Variants in RXFP2 observed in about 807,000 individuals in gnomAD.
RXFP2 encodes the protein relaxin family peptide receptor 2, also known as relaxin receptor 2.
Under a neutral mutation model 88.6 loss-of-function variants are expected in RXFP2, and 68 were observed. The observed-to-expected ratio is 0.77, with a 90% CI of 0.63 to 0.94. The LOEUF is 0.94. Among genes scored for constraint, RXFP2 ranks in the 40% least tolerant of loss-of-function variants. The probability of loss-of-function intolerance (pLI) is 0.00; values close to 1 mark genes in which losing one functional copy is unlikely to be tolerated. For synonymous variants in RXFP2, 329 were observed against 306.8 expected, an observed-to-expected ratio of 1.07 and a Z score of -0.76; for missense variants, 791 against 893.9, an observed-to-expected ratio of 0.88 and a Z score of 1.47.
intron 17 of RXFP2, among the ~76,000 whole-genome samples, chr13:31,797,733 C>T (rs1874126575): frequency 6.6e-6 from 1 of 152,156 alleles, no homozygotes; most frequent in Non-Finnish European, 1.5e-5. Flanking sequence ...CCACCCGGGA[C>T]TGTTTTGTCT....
intron 3 of RXFP2, 74 bp downstream of exon 3, chr13:31,761,875 T>A: frequency 1.0e-6 from 1 of 994,510 alleles, no homozygotes; most frequent in Admixed American, 1.8e-5. Flanking sequence ...TTTATATGGG[T>A]AATGTGACAA....
chr13:31,754,822 A>G (rs1163005375), intron 1 of RXFP2, among the ~76,000 whole-genome samples: 1 of 152,230 alleles, frequency 6.6e-6, no homozygotes, highest in Non-Finnish European at 1.5e-5. Flanking sequence ...GGAATAACAT[A>G]AAGAAGTAGG....
intron 16 of RXFP2, 83 bp downstream of exon 16, chr13:31,793,171 T>C (rs927574123): frequency 2.9e-5 from 37 of 1,270,774 alleles, no homozygotes; most frequent in Non-Finnish European, 3.6e-5. Context: ...ATTTGTTTGT[T>C]TCAGAAAGTG....
rs142648032 is a variant in RXFP2, at chr13:31,760,338, G to A, written c.242-1386G>A. 3.9e-4 allele frequency among the ~76,000 whole-genome samples: 60 copies of A among 152,246 alleles called. 1 individual carries two copies. The East Asian group carries it at 0.01, about 26-fold the overall frequency. On this transcript the variant is annotated intron_variant, in intron 2 of 17. Transcript: ENST00000298386. ...ACTCCTGACCTTAGGTGATCCGCCC[G>A]CCTCGGCCTCCCAAAGTGCTGGGAT...
intron 17 of RXFP2, among the ~76,000 whole-genome samples, chr13:31,801,602 T>C (rs1194650669): frequency 6.6e-6 from 1 of 152,188 alleles, no homozygotes; most frequent in Non-Finnish European, 1.5e-5. Context: ...TATTAGCATT[T>C]GTAGGGCTGC....
chr13:31,791,832 C>T lies in RXFP2; in HGVS notation c.1172C>T (p.Ser391Phe). The T allele has an allele frequency of 1.9e-6, 3 of 1,614,068 alleles. No individual in the cohort carries two copies. The highest frequency in any genetic ancestry group is 1.7e-6 in the Non-Finnish European group (2 of 1,179,992). ...TATTTCAAAAACTTTCGATACTGCT[C>T]CTATGCTCCCCATGTCCGAATATGT... ...HIYFKNFRYC[S>F]YAPHVRICMP... The change falls in exon 15 of 18, where the codon TCC becomes TTC. Residue 391 changes from serine (S) to phenylalanine (F), a missense_variant. Physicochemically the swap from Ser to Phe is radical, Grantham distance 155 (BLOSUM62 -2). Coordinates refer to ENST00000298386, the MANE Select transcript of RXFP2 (RefSeq NM_130806.5).
At chr13:31,793,404 C>T in intron 16 of RXFP2, among the ~76,000 whole-genome samples, 1 of 150,592 alleles carries the variant, frequency 6.6e-6, no homozygotes, top group East Asian at 1.9e-4. Flanking sequence ...GTGCCTCATC[C>T]TGTAAACCTA....
intron 5 of RXFP2, among the ~76,000 whole-genome samples, chr13:31,773,647 A>C (rs1271245505): frequency 6.6e-6 from 1 of 151,906 alleles, no homozygotes; most frequent in East Asian, 1.9e-4. Flanking sequence ...CCATCCTGGC[A>C]CTCTTATAAG....
intron 5 of RXFP2, among the ~76,000 whole-genome samples, chr13:31,774,256 G>A (rs562602358): frequency 6.6e-6 from 1 of 152,346 alleles, no homozygotes; most frequent in East Asian, 1.9e-4. Context: ...TGCACAAAGA[G>A]GAAGAAAGTT....
At position 31,802,693 on chromosome 13, in the gene RXFP2, C is replaced by G; in HGVS notation, c.*288C>G. ...GCTGATCTCTAGCTAATCAACACAA[C>G]CCACCAACAAATGACCACAGGTTGG... On this transcript the variant is annotated 3_prime_UTR_variant, in exon 18 of 18. Transcript: ENST00000298386. 2.3e-6 allele frequency: 1 copy of G among 426,784 alleles called. No individual in the cohort carries two copies. Among genetic ancestry groups the G allele is most frequent in the South Asian group, 2.2e-5 (1 of 44,962 alleles). The allele number at this position is 426,784 out of a possible 1,614,324, so 26.4% of individuals were successfully genotyped here.
intron 5 of RXFP2, among the ~76,000 whole-genome samples, chr13:31,769,782 AG>A (rs775880906): frequency 2.6e-5 from 4 of 152,200 alleles, no homozygotes; most frequent in Admixed American, 2.0e-4. Context: ...AGCATTTGAG[AG>A]TTAGTCATGG....
rs540792768 is a variant in RXFP2 at position 31,797,849 on chromosome 13, A to G, written c.2005+430A>G. On this transcript the variant is annotated intron_variant, in intron 17 of 17. Coordinates refer to ENST00000298386, the MANE Select transcript of RXFP2 (RefSeq NM_130806.5). ...CATTCTATTCCATGGTCCTAGCCAT[A>G]AAATGTCATGCTGGGCTCTGCGGAG... Among the ~76,000 whole-genome samples, 445 of 152,298 alleles carry G rather than the reference A, an allele frequency of 2.9e-3. 2 individuals are homozygous for G. Among genetic ancestry groups the G allele is most frequent in the African/African-American group, 0.01 (429 of 41,556 alleles).
At position 31,758,299 on chromosome 13, in the gene RXFP2, C is replaced by A. The variant is rs763202710; in HGVS notation, c.136C>A (p.Gln46Lys). The A allele has an allele frequency of 1.2e-6, 2 of 1,613,912 alleles. No homozygotes were observed. Among genetic ancestry groups the A allele is most frequent in the Non-Finnish European group, 1.7e-6 (2 of 1,179,886 alleles). ...TQGSMITPSC[Q>K]KGYFPCGNLT... ...AGGTAGCATGATCACTCCTTCATGC[C>A]AAAAAGGATATTTTCCCTGTGGGAA... is the stretch of plus-strand genomic sequence containing the variant. Residue 46 changes from glutamine to lysine, a missense_variant, in exon 2 of 18, where the codon CAA (glutamine) becomes AAA (lysine). Transcript: ENST00000298386.
rs772840177 is a variant in RXFP2 at position 31,782,666 on chromosome 13, T to C, written c.858-10T>C. The C allele has an allele frequency of 1.9e-6, 3 of 1,606,742 alleles. No individual in the cohort carries two copies. Among genetic ancestry groups the C allele is most frequent in the South Asian group, 1.1e-5 (1 of 90,954 alleles). On this transcript the variant is annotated splice_polypyrimidine_tract_variant and intron_variant, in intron 10 of 17. Transcript: ENST00000298386. ...CAAACCCACATGCTGATTCTCGCCA[T>C]GTCTTACAGGTTTCTGCCTAGAAAT...
chr13:31,768,164 C>A (rs576713676), intron 5 of RXFP2, among the ~76,000 whole-genome samples: 105 of 152,294 alleles, frequency 6.9e-4, no homozygotes, highest in African/African-American at 2.3e-3. Context: ...ATGTCTAATT[C>A]TACTTTGTCA....
intron 1 of RXFP2, among the ~76,000 whole-genome samples, chr13:31,746,838 G>A (rs1593444101): frequency 1.3e-5 from 2 of 149,314 alleles, no homozygotes; most frequent in African/African-American, 4.9e-5. Flanking sequence ...TATAAGAAAT[G>A]TAGAAGACAC....
intron 1 of RXFP2, among the ~76,000 whole-genome samples, chr13:31,755,429 G>A (rs778170977): frequency 6.6e-6 from 1 of 152,142 alleles, no homozygotes; most frequent in Non-Finnish European, 1.5e-5. Flanking sequence ...GCTAGTGTGT[G>A]TGGGTGTGAG....
chr13:31,798,567 C>T (rs1054050679), intron 17 of RXFP2, among the ~76,000 whole-genome samples: 1 of 152,212 alleles, frequency 6.6e-6, no homozygotes, highest in Non-Finnish European at 1.5e-5. Flanking sequence ...CAATCTATTA[C>T]TGCTACCTGG....
intron 17 of RXFP2, among the ~76,000 whole-genome samples, chr13:31,800,092 G>A (rs1041479212): frequency 1.3e-5 from 2 of 152,232 alleles, no homozygotes; most frequent in Admixed American, 1.3e-4. Context: ...CAGGAAAAAT[G>A]TCATGATCAC....
Sources: gnomAD v4.1 joint callset for allele counts (sites outside exome capture counted in the v4.1 genomes callset) on GRCh38, gnomAD v4.1.1 for gene constraint, MANE v1.5 for transcripts, NCBI Gene and HGNC (gene_info 2026-07-23, HGNC 2026-07-21) for gene names.